The following RBFOX3 variants were observed in gnomAD, a reference collection of about 807,000 sequenced individuals.
RBFOX3 encodes the protein RNA binding fox-1 homolog 3.
In RBFOX3, 17 loss-of-function variants were observed where a neutral mutation model predicts 48.7. That is an observed-to-expected ratio of 0.35 (90% CI 0.24 to 0.52). The LOEUF (loss-of-function observed/expected upper bound fraction) is 0.52, where lower values mean the gene tolerates loss of function less well. Among genes scored for constraint, RBFOX3 ranks in the 20% least tolerant of loss-of-function variants. The pLI is 0.94. For missense variants in RBFOX3, 382 were observed against 497.5 expected (o/e 0.77, Z 2.21); for synonymous variants, 212 against 209.5 (o/e 1.01, Z -0.10).
chr17:79,292,318 C>T (rs762018757), intron 3 of RBFOX3, among the ~76,000 whole-genome samples: 7 of 151,912 alleles, frequency 4.6e-5, no homozygotes, highest in Non-Finnish European at 1.5e-5. Context: ...GTCAGGACCC[C>T]GCATGCCTCC....
chr17:79,262,567 T>C (rs1218764787), intron 3 of RBFOX3, among the ~76,000 whole-genome samples: 2 of 152,248 alleles, frequency 1.3e-5, no homozygotes, highest in Non-Finnish European at 2.9e-5. Context: ...GCAGGACCCC[T>C]TAATCCTATT....
At position 79,482,146 on chromosome 17, in the gene RBFOX3, C is replaced by A. The variant is rs2078868948; in HGVS notation, c.-175+308G>T. ...GACTCTATGGCATCTTTGTTGACAC[C>A]AGACAGTGGACCCCACACCCCGCCC... On this transcript the variant is annotated intron_variant, in intron 2 of 14. Transcript: ENST00000693108. The surrounding 1 kb of genome is among the most constrained non-coding windows in gnomAD (Gnocchi z 4.1). Among the ~76,000 whole-genome samples, 1 of 152,154 alleles carries A rather than the reference C, an allele frequency of 6.6e-6. No individual in the cohort carries two copies. Among genetic ancestry groups the A allele is most frequent in the Non-Finnish European group, 1.5e-5 (1 of 68,028 alleles).
At chr17:79,629,084 G>A in the RBFOX3 span, among the ~76,000 whole-genome samples, 90 of 152,354 alleles carry the variant, frequency 5.9e-4, no homozygotes, top group African/African-American at 2.1e-3. Context: ...GGGCCCACAG[G>A]CACGAGCAAG....
intron 2 of RBFOX3, among the ~76,000 whole-genome samples, chr17:79,378,227 T>C (rs907916): frequency 1 from 151,704 of 151,992 alleles, 75,709 homozygotes; most frequent in Middle Eastern, 1. Context: ...ATCACCACTC[T>C]GGACACAAAG....
At chr17:79,631,995 G>A in the RBFOX3 span, among the ~76,000 whole-genome samples, 1 of 152,218 alleles carries the variant, frequency 6.6e-6, no homozygotes, top group Non-Finnish European at 1.5e-5. Flanking sequence ...CCAGGGCACA[G>A]GGGATCCTGG....
chr17:79,547,282 A>G (rs1187855694), intron 1 of RBFOX3, among the ~76,000 whole-genome samples: 1 of 152,084 alleles, frequency 6.6e-6, no homozygotes, highest in African/African-American at 2.4e-5. Flanking sequence ...CTCCGTCTCT[A>G]CTAAAACTAC....
At chr17:79,601,728 C>T (rs2093708930) in intron 1 of RBFOX3, 1 of 152,114 alleles carries the variant, frequency 6.6e-6, no homozygotes, top group African/African-American at 2.4e-5. Flanking sequence ...AGGAAAGAAC[C>T]CCATGGGAAG....
At chr17:79,630,822 C>T in the RBFOX3 span, among the ~76,000 whole-genome samples, 1 of 152,138 alleles carries the variant, frequency 6.6e-6, no homozygotes, top group Non-Finnish European at 1.5e-5. Flanking sequence ...GCATTATTGA[C>T]CCCAGTTTAC....
intron 4 of RBFOX3, among the ~76,000 whole-genome samples, chr17:79,180,777 G>A (rs568837306): frequency 2.4e-3 from 371 of 152,066 alleles, no homozygotes; most frequent in African/African-American, 8.7e-3. Flanking sequence ...GGAGTCCACC[G>A]AGACACATGG....
chr17:79,227,309 C>T (rs955532685), intron 4 of RBFOX3, among the ~76,000 whole-genome samples: 2 of 152,342 alleles, frequency 1.3e-5, no homozygotes, highest in South Asian at 2.1e-4. Flanking sequence ...GCCTCAGTTT[C>T]GGAGTGGTTT....
chr17:79,593,862 T>C (rs1236445137), intron 1 of RBFOX3, among the ~76,000 whole-genome samples: 1 of 152,118 alleles, frequency 6.6e-6, no homozygotes, highest in Non-Finnish European at 1.5e-5. Context: ...TGAGAGAGTA[T>C]GGCACCAGCA....
chr17:79,500,617 T>C (rs35293391), intron 1 of RBFOX3, among the ~76,000 whole-genome samples: 80,078 of 152,080 alleles, frequency 0.53, 23,360 homozygotes, highest in Non-Finnish European at 0.66. Context: ...AGCTAACTGG[T>C]ATACCTTCCC....
intron 2 of RBFOX3, among the ~76,000 whole-genome samples, chr17:79,360,677 C>T (rs1479578485): frequency 1.3e-5 from 2 of 152,016 alleles, no homozygotes; most frequent in East Asian, 3.9e-4. Flanking sequence ...AGGAGATTTC[C>T]CTCCGCCATC....
intron 4 of RBFOX3, among the ~76,000 whole-genome samples, chr17:79,231,647 G>A (rs1237266285): frequency 2.0e-5 from 3 of 152,120 alleles, no homozygotes; most frequent in African/African-American, 4.8e-5. Context: ...ATTTCTATAC[G>A]CTAGCAACAA....
chr17:79,467,972 G>A (rs1321696859), intron 2 of RBFOX3, among the ~76,000 whole-genome samples: 4 of 151,982 alleles, frequency 2.6e-5, no homozygotes, highest in African/African-American at 9.7e-5. Flanking sequence ...CCAGGAGACG[G>A]TTCTTCTCCA....
At chr17:79,287,222 A>G (rs2072141659) in intron 3 of RBFOX3, among the ~76,000 whole-genome samples, 1 of 152,208 alleles carries the variant, frequency 6.6e-6, no homozygotes, top group Admixed American at 6.5e-5. Flanking sequence ...GCTAAGGCGA[A>G]GGACCCCCTG....
chr17:79,653,877 T>C, the RBFOX3 span, among the ~76,000 whole-genome samples: 1 of 127,320 alleles, frequency 7.9e-6, no homozygotes, highest in African/African-American at 3.2e-5. Context: ...ACCCTGTCTC[T>C]ACCACCAAAA....
At chr17:79,293,462 T>TCCTC (rs2073790935) in intron 3 of RBFOX3, among the ~76,000 whole-genome samples, 1 of 98,558 alleles carries the variant, frequency 1.0e-5, no homozygotes, top group Admixed American at 1.1e-4. Context: ...CTTCCTTCCT[T>TCCTC]CCTTCCCTTC....
intron 1 of RBFOX3, among the ~76,000 whole-genome samples, chr17:79,587,185 C>T (rs1348862606): frequency 3.3e-5 from 5 of 152,186 alleles, no homozygotes; most frequent in Non-Finnish European, 4.4e-5. Context: ...CAAGACCCCC[C>T]GCAACCCTGA....
Sources: gnomAD v4.1 joint callset for allele counts (sites outside exome capture counted in the v4.1 genomes callset) on GRCh38, gnomAD v4.1.1 for gene constraint, Gnocchi (gnomAD v3.1) non-coding constraint, MANE v1.5 for transcripts, NCBI Gene and HGNC (gene_info 2026-07-23, HGNC 2026-07-21) for gene names.